PREX2: variants seen among roughly 807,000 people sequenced by gnomAD.
PREX2 encodes phosphatidylinositol 3,4,5-trisphosphate-dependent Rac exchanger 2 protein.
PREX2 carries 107 observed loss-of-function variants against 203.2 expected under a neutral mutation model. That is an observed-to-expected ratio of 0.53 (90% confidence interval 0.45 to 0.62). The LOEUF (loss-of-function observed/expected upper bound fraction) is 0.62. Among genes scored for constraint, PREX2 ranks in the 20% least tolerant of loss-of-function variants. The pLI, the probability that PREX2 is intolerant of heterozygous loss-of-function variation, is 0.00. For synonymous variants in PREX2, 672 were observed against 663.6 expected, an observed-to-expected ratio of 1.01 and a Z score of -0.19; for missense variants, 1,777 against 1,955.9, an observed-to-expected ratio of 0.91 and a Z score of 1.72.
chr8:68,137,274 TA>T (rs1811132077), intron 32 of PREX2, among the ~76,000 whole-genome samples: 1 of 151,912 alleles, frequency 6.6e-6, no homozygotes, highest in African/African-American at 2.4e-5. Flanking sequence ...ATTGACATTT[TA>T]TTTTTTTTAA....
intron 32 of PREX2, among the ~76,000 whole-genome samples, chr8:68,136,957 G>A (rs187448430): frequency 4.6e-5 from 7 of 151,758 alleles, no homozygotes; most frequent in African/African-American, 1.4e-4. Context: ...CCAGGCTGGA[G>A]TGCAGTGGCG....
intron 13 of PREX2, among the ~76,000 whole-genome samples, chr8:68,072,102 A>G (rs992352167): frequency 6.6e-6 from 1 of 152,170 alleles, no homozygotes; most frequent in African/African-American, 2.4e-5. Context: ...CATAAATAAG[A>G]GTTAAGTTCC....
At chr8:68,189,722 GT>G (rs1488089943) in intron 35 of PREX2, among the ~76,000 whole-genome samples, 1 of 152,162 alleles carries the variant, frequency 6.6e-6, no homozygotes, top group African/African-American at 2.4e-5. Flanking sequence ...TGGGGTTGCT[GT>G]AGCCCCCACA....
At chr8:68,166,411 G>T (rs1811762531) in intron 35 of PREX2, among the ~76,000 whole-genome samples, 1 of 152,128 alleles carries the variant, frequency 6.6e-6, no homozygotes, top group Non-Finnish European at 1.5e-5. Flanking sequence ...AATATAAGTA[G>T]AGAGTTTATT....
At chr8:68,110,427 A>G (rs1810513298) in intron 25 of PREX2, among the ~76,000 whole-genome samples, 1 of 152,236 alleles carries the variant, frequency 6.6e-6, no homozygotes, top group Non-Finnish European at 1.5e-5. Flanking sequence ...ACAAATTAAT[A>G]TAGAAAGTAA....
chr8:68,083,462 A>C, intron 18 of PREX2, 74 bp downstream of exon 18: 1 of 1,169,134 alleles, frequency 8.6e-7, no homozygotes, highest in Non-Finnish European at 1.2e-6. Flanking sequence ...ATAACTAAGT[A>C]AATGCTTAGA....
chr8:68,041,564 A>AT (rs1295611939), intron 7 of PREX2, among the ~76,000 whole-genome samples: 1 of 152,166 alleles, frequency 6.6e-6, no homozygotes, highest in Admixed American at 6.6e-5. Context: ...CTCTATTCTA[A>AT]TGAGTTTTTT....
At position 68,069,032 on chromosome 8, in the gene PREX2, G is replaced by T; in HGVS notation, c.1340-1G>T. On this transcript the variant is annotated splice_acceptor_variant, in intron 11 of 39. Transcript: ENST00000288368. LOFTEE classifies it high-confidence loss of function. ...TTAATATAGTATTTCTATGTTCTTA[G>T]TTACTGATAAACATCAATTCAAACC... is the stretch of plus-strand genomic sequence containing the variant. 2 of 1,315,724 alleles carry T rather than the reference G, an allele frequency of 1.5e-6. No homozygotes were observed. Among genetic ancestry groups the T allele is most frequent in the Non-Finnish European group, 2.1e-6 (2 of 951,496 alleles). The allele number at this position is 1,315,724 out of a possible 1,614,324, so 81.5% of individuals were successfully genotyped here.
intron 23 of PREX2, chr8:68,105,318 C>G (rs749366552): frequency 1.5e-6 from 2 of 1,367,480 alleles, no homozygotes; most frequent in African/African-American, 1.5e-5. Flanking sequence ...TCCTGAGGAC[C>G]TTCCTTCTCA....
In PREX2 at chr8:68,031,685, C is replaced by T. The variant is rs144521617; in HGVS notation, c.705+1027C>T. Among the ~76,000 whole-genome samples the T allele has an allele frequency of 3.3e-5, 5 of 152,238 alleles. No homozygotes were observed. The East Asian group carries it at 5.8e-4, about 18-fold the overall frequency. The stretch of plus-strand genomic sequence containing the variant: ...TCCAACTCTTTCCATTTCAAGTGTC[C>T]GGAGTGCCCTCATATTCAGCATGAA... On this transcript the variant is annotated intron_variant, in intron 6 of 39. Transcript: ENST00000288368.
intron 23 of PREX2, chr8:68,100,283 ATT>A (rs1261913014): frequency 2.3e-6 from 1 of 441,784 alleles, no homozygotes; most frequent in African/African-American, 2.0e-5. Context: ...TTTGACATAT[ATT>A]TATTAGGCAC....
chr8:68,215,769 C>T (rs1461486769), intron 37 of PREX2, among the ~76,000 whole-genome samples: 1 of 152,082 alleles, frequency 6.6e-6, no homozygotes, highest in Non-Finnish European at 1.5e-5. Flanking sequence ...AATCTTCTGA[C>T]CTTGTGATCC....
intron 8 of PREX2, among the ~76,000 whole-genome samples, chr8:68,048,977 G>A (rs1808442237): frequency 6.6e-6 from 1 of 151,684 alleles, no homozygotes; most frequent in Non-Finnish European, 1.5e-5. Flanking sequence ...TAACAATGTT[G>A]AAAAGAATAT....
Position 68,134,124 on chromosome 8 carries a change from T to C in PREX2, c.3832T>C (p.Phe1278Leu). 3 of 1,614,136 alleles carry C rather than the reference T, an allele frequency of 1.9e-6. No individual in the cohort carries two copies. Among genetic ancestry groups the C allele is most frequent in the Non-Finnish European group, 2.5e-6 (3 of 1,180,012 alleles). Reference sequence around the variant, plus strand: ...GACTCTTGTGGCCACTGTCTGTGCCTTCTCTGAGCAGCTCATGGCGGCCTT... The same window carrying C: ...GACTCTTGTGGCCACTGTCTGTGCCCTCTCTGAGCAGCTCATGGCGGCCTT... The part of the protein sequence containing the change: ...CQTLVATVCA[F>L]SEQLMAALNQ... The change falls in exon 32 of 40, where the codon TTC becomes CTC. Residue 1278 changes from phenylalanine (F) to leucine (L), a missense_variant. Coordinates refer to ENST00000288368, the MANE Select transcript of PREX2 (RefSeq NM_024870.4).
chr8:68,082,029 T>G (rs1008066833), intron 17 of PREX2, among the ~76,000 whole-genome samples: 1 of 114,300 alleles, frequency 8.7e-6, no homozygotes, highest in Non-Finnish European at 1.9e-5. Context: ...AAAAAACTTC[T>G]GATCATTCAT....
At chr8:68,086,571 A>C (rs1809698838) in intron 18 of PREX2, among the ~76,000 whole-genome samples, 1 of 152,132 alleles carries the variant, frequency 6.6e-6, no homozygotes, top group African/African-American at 2.4e-5. Context: ...CCCGGCTGCG[A>C]TATCATACTT....
chr8:67,968,661 T>C (rs1425891736), intron 1 of PREX2, among the ~76,000 whole-genome samples: 2 of 152,202 alleles, frequency 1.3e-5, no homozygotes, highest in African/African-American at 4.8e-5. Context: ...CAAACACAAT[T>C]ACCACAGAAA....
At chr8:68,055,582 C>G (rs1808652295) in intron 9 of PREX2, among the ~76,000 whole-genome samples, 1 of 152,144 alleles carries the variant, frequency 6.6e-6, no homozygotes, top group African/African-American at 2.4e-5. Context: ...TTCTTACTCC[C>G]CTGGCTAAAG....
intron 30 of PREX2, among the ~76,000 whole-genome samples, chr8:68,123,861 A>G (rs778689533): frequency 6.6e-6 from 1 of 152,042 alleles, no homozygotes; most frequent in Non-Finnish European, 1.5e-5. Context: ...TACAGTTTCT[A>G]TCAAAACTAT....
Sources: gnomAD v4.1 joint callset for allele counts (sites outside exome capture counted in the v4.1 genomes callset) on GRCh38, gnomAD v4.1.1 for gene constraint, MANE v1.5 for transcripts, NCBI Gene and HGNC (gene_info 2026-07-23, HGNC 2026-07-21) for gene names.